Variants in WWOX observed in about 807,000 individuals in gnomAD.
The protein encoded by WWOX is WW domain containing oxidoreductase.
In WWOX, 69 loss-of-function variants were observed where a neutral mutation model predicts 46.2. That is an observed-to-expected ratio of 1.49 (90% CI 1.23 to 1.82). The LOEUF is 1.82. Ranked by LOEUF, WWOX falls within the 40% of genes most tolerant of loss-of-function variation. WWOX has a pLI of 0.00. For missense variants in WWOX, 919 were observed against 542.6 expected, an observed-to-expected ratio of 1.69 and a Z score of -6.89; for synonymous variants, 359 against 202.6, an observed-to-expected ratio of 1.77 and a Z score of -6.56.
chr16:78,132,944 G>A (rs1440895799), intron 4 of WWOX, among the ~76,000 whole-genome samples: 10 of 152,148 alleles, frequency 6.6e-5, no homozygotes, highest in Admixed American at 6.5e-4. Flanking sequence ...GTAGAGAATC[G>A]TCACTTCAGC....
intron 8 of WWOX, among the ~76,000 whole-genome samples, chr16:78,616,629 C>G (rs1444464345): frequency 6.6e-6 from 1 of 151,740 alleles, no homozygotes; most frequent in Non-Finnish European, 1.5e-5. Context: ...CTTAGCCAGG[C>G]TCGGTGGCTT....
intron 8 of WWOX, among the ~76,000 whole-genome samples, chr16:78,947,314 G>A (rs990294285): frequency 1.3e-5 from 2 of 152,148 alleles, no homozygotes; most frequent in African/African-American, 4.8e-5. Context: ...AGGCAGGAAC[G>A]CTGTCATTAG....
rs904164501 is a variant in WWOX, at chr16:78,339,890, T to G, written c.517-46970T>G. On this transcript the variant is annotated intron_variant, in intron 5 of 8. Transcript: ENST00000566780. ...TATCCAAATAGGAGACTGTTCCCTT[T>G]CAAGAGAATTTTAGGTATTCAGATC... Among the ~76,000 whole-genome samples, 2 of 114,566 alleles carry G rather than the reference T, an allele frequency of 1.7e-5. 1 individual carries two copies. Among genetic ancestry groups the G allele is most frequent in the African/African-American group, 5.9e-5 (2 of 33,842 alleles). The allele number at this position is 114,566 out of a possible 152,430, so 75.2% of individuals were successfully genotyped here.
chr16:78,634,837 A>AGAGAGAGAGTGTGTGTGTGTGT (rs1346762709), intron 8 of WWOX, among the ~76,000 whole-genome samples: 1 of 111,718 alleles, frequency 9.0e-6, no homozygotes. Context: ...AGAGAGAGAG[A>AGAGAGAGAGTGTGTGTGTGTGT]GTGTGTGTGT....
intron 1 of WWOX, 89 bp downstream of exon 1, chr16:78,099,974 C>T (rs1178572940): frequency 4.5e-5 from 68 of 1,518,578 alleles, no homozygotes; most frequent in Non-Finnish European, 5.3e-5. Context: ...CGCACTCCAG[C>T]GCAGCGCGTG....
chr16:79,159,349 C>T (rs530324256), intron 8 of WWOX, among the ~76,000 whole-genome samples: 1 of 152,134 alleles, frequency 6.6e-6, no homozygotes, highest in African/African-American at 2.4e-5. Context: ...ATTTAATTAG[C>T]TAAATGTTCC....
intron 8 of WWOX, among the ~76,000 whole-genome samples, chr16:78,468,912 C>G (rs1053088588): frequency 6.6e-6 from 1 of 152,112 alleles, no homozygotes; most frequent in African/African-American, 2.4e-5. Flanking sequence ...AACCTGTAAC[C>G]CCCTCTACCC....
At chr16:79,062,578 G>C (rs1307660119) in intron 8 of WWOX, among the ~76,000 whole-genome samples, 5 of 152,124 alleles carry the variant, frequency 3.3e-5, no homozygotes, top group Admixed American at 3.3e-4. Flanking sequence ...TAAAACAGCA[G>C]GGGTGGAGAG....
chr16:78,761,989 A>G (rs1014292883), intron 8 of WWOX, among the ~76,000 whole-genome samples: 1 of 152,196 alleles, frequency 6.6e-6, no homozygotes, highest in Admixed American at 6.5e-5. Context: ...TGCAGTGAGG[A>G]TGAATCAACA....
chr16:78,531,521 T>G (rs182214001), intron 8 of WWOX, among the ~76,000 whole-genome samples: 1 of 152,134 alleles, frequency 6.6e-6, no homozygotes, highest in Non-Finnish European at 1.5e-5. Context: ...TTCTCTTACA[T>G]GTATGAAGTT....
intron 8 of WWOX, among the ~76,000 whole-genome samples, chr16:79,179,003 G>A (rs1166656922): frequency 1.3e-5 from 2 of 152,168 alleles, no homozygotes; most frequent in African/African-American, 2.4e-5. Flanking sequence ...ATGCAGCAGT[G>A]AGAAGAATCA....
intron 8 of WWOX, among the ~76,000 whole-genome samples, chr16:79,102,061 A>AGGGGGGGG (rs1166708955): frequency 1.3e-4 from 1 of 7,442 alleles, no homozygotes; most frequent in African/African-American, 5.0e-4. Flanking sequence ...AGTAGGGGGG[A>AGGGGGGGG]GGGGGGGAGG....
chr16:78,931,862 C>T (rs184841835), intron 8 of WWOX, among the ~76,000 whole-genome samples: 6 of 152,272 alleles, frequency 3.9e-5, no homozygotes, highest in East Asian at 3.9e-4. Flanking sequence ...GGATTTGAAT[C>T]GTGGGAGGTA....
At chr16:78,478,145 T>C (rs967674649) in intron 8 of WWOX, among the ~76,000 whole-genome samples, 1 of 152,214 alleles carries the variant, frequency 6.6e-6, no homozygotes, top group Non-Finnish European at 1.5e-5. Flanking sequence ...GCAAGGTATG[T>C]ACGGTTTAAA....
At chr16:79,113,548 T>C (rs1268629730) in intron 8 of WWOX, among the ~76,000 whole-genome samples, 6 of 152,246 alleles carry the variant, frequency 3.9e-5, no homozygotes, top group Admixed American at 2.0e-4. Flanking sequence ...CTATATTTTA[T>C]AGGGCAAACT....
At chr16:78,849,692 C>G (rs1205808659) in intron 8 of WWOX, among the ~76,000 whole-genome samples, 3 of 152,060 alleles carry the variant, frequency 2.0e-5, no homozygotes, top group African/African-American at 7.2e-5. Flanking sequence ...GTTTCCCTCC[C>G]TAGACTAGAT....
chr16:78,859,222 C>T (rs2052659719), intron 8 of WWOX, among the ~76,000 whole-genome samples: 1 of 151,460 alleles, frequency 6.6e-6, no homozygotes, highest in Non-Finnish European at 1.5e-5. Context: ...CAACTGATTT[C>T]AACTTTGTTT....
chr16:78,384,578 G>A (rs145947318), intron 5 of WWOX, among the ~76,000 whole-genome samples: 4 of 152,216 alleles, frequency 2.6e-5, no homozygotes, highest in Middle Eastern at 3.4e-3. Flanking sequence ...TTATAGGGGG[G>A]ATGTGGCGTC....
chr16:78,478,931 T>C (rs1168049083), intron 8 of WWOX, among the ~76,000 whole-genome samples: 4 of 152,248 alleles, frequency 2.6e-5, no homozygotes, highest in South Asian at 4.1e-4. Context: ...TTTTGATATT[T>C]CCATCATGGC....
Sources: allele counts gnomAD v4.1 joint callset (sites outside exome capture counted in the v4.1 genomes callset), GRCh38; gene constraint gnomAD v4.1.1; transcripts MANE v1.5; gene names NCBI Gene and HGNC (gene_info 2026-07-23, HGNC 2026-07-21).